Variants in KRCC1 observed in about 807,000 individuals in gnomAD.
KRCC1 encodes lysine rich coiled-coil 1.
Under a neutral mutation model 7.4 loss-of-function variants are expected in KRCC1, and 3 were observed. The observed-to-expected ratio is 0.40, with a 90% CI of 0.18 to 1.04. KRCC1 has a LOEUF of 1.04. Ranked by LOEUF, KRCC1 falls within the 50% of genes least tolerant of loss-of-function variation. The probability of loss-of-function intolerance (pLI) is 0.33; values close to 1 mark genes in which losing one functional copy is unlikely to be tolerated. For missense variants in KRCC1, 277 were observed against 300.9 expected (o/e 0.92, Z 0.59); for synonymous variants, 102 against 101.6 (o/e 1.00, Z -0.02).
chr2:88,041,011 T>C (rs966476673), intron 1 of KRCC1, among the ~76,000 whole-genome samples: 5 of 152,318 alleles, frequency 3.3e-5, no homozygotes, highest in Admixed American at 2.6e-4. Context: ...GGTGGAATGA[T>C]GCTAAATCAT....
At chr2:88,054,418 T>C (rs952242314) in intron 1 of KRCC1, among the ~76,000 whole-genome samples, 22 of 152,178 alleles carry the variant, frequency 1.4e-4, no homozygotes, top group Non-Finnish European at 3.1e-4. Context: ...CTCTGTTCCT[T>C]TGAGATGTGT....
At chr2:88,047,685 C>T (rs1052260859) in intron 1 of KRCC1, among the ~76,000 whole-genome samples, 4 of 151,976 alleles carry the variant, frequency 2.6e-5, no homozygotes, top group African/African-American at 4.8e-5. Flanking sequence ...CACACCACCA[C>T]GCCTGGCTAA....
At chr2:88,046,191 C>T (rs1673330252) in intron 1 of KRCC1, among the ~76,000 whole-genome samples, 1 of 152,208 alleles carries the variant, frequency 6.6e-6, no homozygotes, top group Non-Finnish European at 1.5e-5. Context: ...AATACTGTTA[C>T]TTAGCTCCAT....
At chr2:88,050,674 A>G (rs1320447427) in intron 1 of KRCC1, among the ~76,000 whole-genome samples, 1 of 152,136 alleles carries the variant, frequency 6.6e-6, no homozygotes, top group Non-Finnish European at 1.5e-5. Flanking sequence ...TTTTTGTTGT[A>G]GTTTTGTTTT....
In KRCC1 at chr2:88,027,607, G is replaced by C. The variant is rs1672897884; in HGVS notation, c.*177C>G. On this transcript the variant is annotated 3_prime_UTR_variant, in exon 4 of 4. Coordinates refer to ENST00000347055, the MANE Select transcript of KRCC1 (RefSeq NM_016618.3). ...AAATGTAATAATGCTTTTAGAAAAT[G>C]AGGAAAAGCAATTTCTGTGTTGGAG... The C allele has an allele frequency of 2.0e-6, 1 of 489,980 alleles. No homozygotes were observed. The highest frequency in any genetic ancestry group is 3.5e-6 in the Non-Finnish European group (1 of 283,306). 30.4% of individuals were successfully genotyped at this position (489,980 alleles called of 1,614,324 possible).
Position 88,050,921 on chromosome 2 carries a change from TTGC to T in KRCC1, c.-291+4702_-291+4704del, listed in dbSNP as rs201107713. On this transcript the variant is annotated intron_variant, in intron 1 of 3. Coordinates refer to ENST00000347055, the MANE Select transcript of KRCC1 (RefSeq NM_016618.3). ...CTTATGCCTTCTATATCTTCCTTAC[TTGC>T]TTTTTTTTTTTTTTTTTGAGACAGG... Among the ~76,000 whole-genome samples the T allele has an allele frequency of 6.5e-4, 46 of 70,596 alleles. 3 individuals are homozygous for T. The highest frequency in any genetic ancestry group is 1.5e-3 in the Admixed American group (10 of 6,764). 46.3% of individuals were successfully genotyped at this position (70,596 alleles called of 152,430 possible). A position where few individuals can be genotyped will look rare whatever the true frequency, so the allele number is the denominator to read the frequency against.
intron 3 of KRCC1, among the ~76,000 whole-genome samples, chr2:88,033,145 C>T (rs1673027260): frequency 6.6e-6 from 1 of 152,280 alleles, no homozygotes; most frequent in South Asian, 2.1e-4. Flanking sequence ...TGGCTATATA[C>T]ATCTGCCAAA....
At position 88,045,130 on chromosome 2, in the gene KRCC1, G is replaced by A. The variant is rs1673301696; in HGVS notation, c.-290-8079C>T. Among the ~76,000 whole-genome samples the A allele has an allele frequency of 2.0e-5, 3 of 151,898 alleles. No homozygotes were observed. In the South Asian group the frequency reaches 6.2e-4, roughly 32 times the overall value. On this transcript the variant is annotated intron_variant, in intron 1 of 3. Coordinates refer to ENST00000347055, the MANE Select transcript of KRCC1 (RefSeq NM_016618.3). The stretch of plus-strand genomic sequence containing the variant: ...TCTGGCCATCTTGGCCTCCCAAAGT[G>A]CTGGGTTTACAGGTGTGAGCCACTG...
intron 1 of KRCC1, among the ~76,000 whole-genome samples, chr2:88,051,835 A>T (rs1673494197): frequency 6.6e-6 from 1 of 152,250 alleles, no homozygotes; most frequent in Non-Finnish European, 1.5e-5. Flanking sequence ...AGATGTGTTA[A>T]ATCAGTTCAC....
Position 88,027,743 on chromosome 2 carries a change from A to G in KRCC1, c.*41T>C, listed in dbSNP as rs940861132. ...ATATCATAAAACCAAGCTCTCACCTATTTTTTCAATTTAACTTTGGGAGAA... is the reference window on the plus strand; with the variant it reads ...ATATCATAAAACCAAGCTCTCACCTGTTTTTTCAATTTAACTTTGGGAGAA... On this transcript the variant is annotated 3_prime_UTR_variant, in exon 4 of 4. Coordinates refer to ENST00000347055, the MANE Select transcript of KRCC1 (RefSeq NM_016618.3). 2 of 1,525,356 alleles carry G rather than the reference A, an allele frequency of 1.3e-6. No homozygotes were observed. The highest frequency in any genetic ancestry group is 1.8e-6 in the Non-Finnish European group (2 of 1,139,226). The allele number at this position is 1,525,356 out of a possible 1,614,324, so 94.5% of individuals were successfully genotyped here. A position where few individuals can be genotyped will look rare whatever the true frequency, so the allele number is the denominator to read the frequency against.
chr2:88,029,854 A>T lies in KRCC1; in HGVS notation c.-22-1269T>A, dbSNP rs200438885. 5.9e-3 allele frequency among the ~76,000 whole-genome samples: 815 copies of T among 138,370 alleles called. 1 individual carries two copies. The highest frequency in any genetic ancestry group is 0.03 in the Middle Eastern group (8 of 268). The allele number at this position is 138,370 out of a possible 152,430, so 90.8% of individuals were successfully genotyped here. A position where few individuals can be genotyped will look rare whatever the true frequency, so the allele number is the denominator to read the frequency against. ...TATATAAAAAAATATATATATATAT[A>T]TTTTTTTTTTTGAGATGGAGTCTTG... On this transcript the variant is annotated intron_variant, in intron 3 of 3. Coordinates refer to ENST00000347055, the MANE Select transcript of KRCC1 (RefSeq NM_016618.3).
intron 1 of KRCC1, among the ~76,000 whole-genome samples, chr2:88,045,254 C>T (rs1191535726): frequency 6.6e-6 from 1 of 152,110 alleles, no homozygotes; most frequent in African/African-American, 2.4e-5. Flanking sequence ...GACATGAAAA[C>T]ATATCCATGC....
At chr2:88,044,627 C>G (rs1673290907) in intron 1 of KRCC1, among the ~76,000 whole-genome samples, 2 of 152,096 alleles carry the variant, frequency 1.3e-5, no homozygotes, top group African/African-American at 2.4e-5. Flanking sequence ...AATGAGGGGT[C>G]TGCTTTTAAC....
At chr2:88,051,476 T>C (rs1673485926) in intron 1 of KRCC1, among the ~76,000 whole-genome samples, 1 of 152,246 alleles carries the variant, frequency 6.6e-6, no homozygotes, top group Non-Finnish European at 1.5e-5. Context: ...GCAACCTTTT[T>C]TCCATTGGCA....
chr2:88,046,387 G>A (rs1162199820), intron 1 of KRCC1, among the ~76,000 whole-genome samples: 4 of 152,218 alleles, frequency 2.6e-5, no homozygotes, highest in African/African-American at 9.7e-5. Flanking sequence ...GCACTTAGAA[G>A]AATGCATGGA....
chr2:88,036,748 G>C (rs1673098908), intron 2 of KRCC1, among the ~76,000 whole-genome samples, 195 bp downstream of exon 2: 1 of 152,158 alleles, frequency 6.6e-6, no homozygotes, highest in Non-Finnish European at 1.5e-5. Context: ...AAGAAAATGA[G>C]CTTCAGAATT....
chr2:88,028,632 A>ATCTTTTTTTTTTTT, intron 3 of KRCC1, 47 bp from the exon 4 acceptor site: 10 of 861,098 alleles, frequency 1.2e-5, no homozygotes, highest in Non-Finnish European at 3.4e-6. Flanking sequence ...TGTCCTGAGC[A>ATCTTTTTTTTTTTT]TTTCCTTTGC....
chr2:88,027,887 ACT>A lies in KRCC1; in HGVS notation c.675_676del (p.Val226LeufsTer2). The A allele has an allele frequency of 6.2e-7, 1 of 1,613,860 alleles. No homozygotes were observed. Among genetic ancestry groups the A allele is most frequent in the Non-Finnish European group, 8.5e-7 (1 of 1,179,986 alleles). ...ACGCTTACGTTCCTCTTTCTTAGAG[ACT>A]ACATCTCGGCTTTTTTTCTCCTTTC... On this transcript the variant is annotated frameshift_variant, in exon 4 of 4. Coordinates refer to ENST00000347055, the MANE Select transcript of KRCC1 (RefSeq NM_016618.3). LOFTEE classifies it high-confidence loss of function.
At chr2:88,045,234 CTGTG>C (rs1178263310) in intron 1 of KRCC1, among the ~76,000 whole-genome samples, 1 of 152,146 alleles carries the variant, frequency 6.6e-6, no homozygotes, top group African/African-American at 2.4e-5. Context: ...CATTCTACAA[CTGTG>C]TATTTGACAT....
Sources: allele counts gnomAD v4.1 joint callset (sites outside exome capture counted in the v4.1 genomes callset), GRCh38; gene constraint gnomAD v4.1.1; transcripts MANE v1.5; gene names NCBI Gene and HGNC (gene_info 2026-07-23, HGNC 2026-07-21).